MYO16: variants seen among roughly 807,000 people sequenced by gnomAD.
The protein encoded by MYO16 is myosin XVI, also known as unconventional myosin-XVI.
A neutral mutation model predicts 205.3 loss-of-function variants in MYO16; 94 were observed. The observed-to-expected ratio is 0.46, with a 90% confidence interval of 0.39 to 0.54. The LOEUF (loss-of-function observed/expected upper bound fraction) is 0.54, where lower values mean the gene tolerates loss of function less well. Among genes scored for constraint, MYO16 ranks in the 20% least tolerant of loss-of-function variants. The pLI is 0.00. For missense variants in MYO16, 2,315 were observed against 2,387.5 expected (o/e 0.97, Z 0.63); for synonymous variants, 988 against 954.0 (o/e 1.04, Z -0.66).
rs544847193 is a variant in MYO16, at chr13:109,029,010, C to T, written c.2796+9099C>T. 1.9e-4 allele frequency among the ~76,000 whole-genome samples: 29 copies of T among 151,474 alleles called. No homozygotes were observed. The South Asian group carries it at 4.2e-3, about 22-fold the overall frequency. ...AGATTTATGCTGTTATGCAGGTCCCCGAGTAGAGATCTTTGTCTCATTGAT... is the reference window on the plus strand; with the variant it reads ...AGATTTATGCTGTTATGCAGGTCCCTGAGTAGAGATCTTTGTCTCATTGAT... On this transcript the variant is annotated intron_variant, in intron 23 of 34. Transcript: ENST00000457511.
At chr13:108,735,822 A>C (rs1368611920) in intron 4 of MYO16, among the ~76,000 whole-genome samples, 1 of 151,608 alleles carries the variant, frequency 6.6e-6, no homozygotes, top group South Asian at 2.1e-4. Flanking sequence ...CTGACTTTTT[A>C]ATGATCACCA....
intron 27 of MYO16, among the ~76,000 whole-genome samples, chr13:109,098,111 A>G (rs1424503121): frequency 2.9e-5 from 1 of 35,006 alleles, no homozygotes; most frequent in African/African-American, 1.0e-4. Flanking sequence ...CAAATTCAGT[A>G]TTCAGTGGAA....
chr13:109,060,748 G>C (rs1887567207), intron 27 of MYO16, among the ~76,000 whole-genome samples: 1 of 152,094 alleles, frequency 6.6e-6, no homozygotes, highest in African/African-American at 2.4e-5. Flanking sequence ...AAGGCCCTAG[G>C]ATTTTTGGAA....
At chr13:108,886,318 T>A in intron 13 of MYO16, 1 of 439,646 alleles carries the variant, frequency 2.3e-6, no homozygotes, top group Non-Finnish European at 4.6e-6. Context: ...AGTTAATGAT[T>A]CCCTGTACCA....
At chr13:108,793,689 T>C (rs780209295) in intron 6 of MYO16, 49 bp downstream of exon 6, 1 of 1,541,916 alleles carries the variant, frequency 6.5e-7, no homozygotes. Flanking sequence ...AGAATTTAAG[T>C]TGATCTATAA....
chr13:109,052,397 T>G lies in MYO16; in HGVS notation c.2970T>G (p.His990Gln), dbSNP rs1385524699. The G allele has an allele frequency of 6.2e-7, 1 of 1,612,628 alleles. No homozygotes were observed. The change falls in exon 25 of 35, where the codon CAT (histidine) becomes CAG (glutamine). Residue 990 changes from histidine (H) to glutamine (Q), a missense_variant. Transcript: ENST00000457511. ...ATCCTTCCTTTAAATTCCGAGGACA[T>G]AAGTCTGCCCTGCTCAGTAAGAAAA... ...SAYPSFKFRG[H>Q]KSALLSKKMT...
chr13:108,696,838 A>G (rs1303478741), intron 2 of MYO16, among the ~76,000 whole-genome samples: 1 of 152,046 alleles, frequency 6.6e-6, no homozygotes, highest in Admixed American at 6.6e-5. Flanking sequence ...CTCATTCTGG[A>G]CCTTATTGTT....
chr13:108,848,804 G>T (rs147544462), intron 10 of MYO16, among the ~76,000 whole-genome samples: 1 of 152,122 alleles, frequency 6.6e-6, no homozygotes, highest in African/African-American at 2.4e-5. Context: ...TATAAAGTGC[G>T]AGCCTGTCTT....
intron 25 of MYO16, among the ~76,000 whole-genome samples, chr13:109,053,655 C>T (rs1887321972): frequency 6.6e-6 from 1 of 152,050 alleles, no homozygotes; most frequent in Admixed American, 6.6e-5. Context: ...CACAGTAGTT[C>T]CTCCACCCAG....
chr13:108,842,483 A>G (rs1033719937), intron 9 of MYO16, among the ~76,000 whole-genome samples: 49 of 152,300 alleles, frequency 3.2e-4, no homozygotes, highest in African/African-American at 1.1e-3. Context: ...AAGAAGATAT[A>G]CAATTTTGTC....
intron 4 of MYO16, among the ~76,000 whole-genome samples, chr13:108,762,541 A>C (rs1188840855): frequency 1.4e-4 from 21 of 152,064 alleles, no homozygotes; most frequent in Admixed American, 1.4e-3. Flanking sequence ...GAGTAAGATG[A>C]TATCTCTTTG....
At position 109,125,231 on chromosome 13, in the gene MYO16, G is replaced by A. The variant is rs367926937; in HGVS notation, c.3655G>A (p.Asp1219Asn). The change falls in exon 30 of 35, where the codon GAT (aspartate) becomes AAT (asparagine). Residue 1219 changes from aspartate (D) to asparagine (N), a missense_variant. This residue lies in a region of MYO16 where 1,097 missense variants were observed against 1,092.0 expected (regional missense o/e 1.00). Coordinates refer to ENST00000457511, the MANE Select transcript of MYO16 (RefSeq NM_001198950.3). The surrounding 1 kb of genome is among the most constrained non-coding windows in gnomAD (Gnocchi z 4.0). Reference sequence around the variant, plus strand: ...AGAGGACATGGGGCTGAAAACCTACGATGCCCTGGTCATTCAGAATGCTTC... The same window carrying A: ...AGAGGACATGGGGCTGAAAACCTACAATGCCCTGGTCATTCAGAATGCTTC... The part of the protein sequence containing the change: ...NTEDMGLKTY[D>N]ALVIQNASDI... The A allele has an allele frequency of 2.4e-5, 39 of 1,613,998 alleles. No homozygotes were observed. Among genetic ancestry groups the A allele is most frequent in the African/African-American group, 9.3e-5 (7 of 74,898 alleles).
intron 2 of MYO16, among the ~76,000 whole-genome samples, chr13:108,706,672 G>A (rs926183305): frequency 1.3e-5 from 2 of 152,146 alleles, no homozygotes; most frequent in Admixed American, 1.3e-4. Context: ...CATAAAGGAT[G>A]CTCACTAAAA....
At chr13:108,809,622 C>G (rs990723975) in intron 7 of MYO16, among the ~76,000 whole-genome samples, 4 of 152,166 alleles carry the variant, frequency 2.6e-5, no homozygotes, top group African/African-American at 7.2e-5. Flanking sequence ...AGAACTCACT[C>G]ATTATCGTGA....
chr13:109,078,536 T>C (rs1888187538), intron 27 of MYO16, among the ~76,000 whole-genome samples: 1 of 152,228 alleles, frequency 6.6e-6, no homozygotes, highest in African/African-American at 2.4e-5. Context: ...TCAGTGTTAA[T>C]TGATTAATTT....
At chr13:108,898,351 A>ACT (rs150046022) in intron 15 of MYO16, among the ~76,000 whole-genome samples, 3 of 144,992 alleles carry the variant, frequency 2.1e-5, no homozygotes, top group African/African-American at 7.7e-5. Flanking sequence ...AGGGTGTGTG[A>ACT]GTGTGTGTGT....
chr13:108,849,495 CA>C, intron 10 of MYO16, among the ~76,000 whole-genome samples: 1 of 151,488 alleles, frequency 6.6e-6, no homozygotes, highest in East Asian at 2.0e-4. Flanking sequence ...CCATCTAACA[CA>C]CAGTCTTTTT....
chr13:108,717,503 G>C (rs984657824), intron 3 of MYO16, among the ~76,000 whole-genome samples: 4 of 151,616 alleles, frequency 2.6e-5, no homozygotes, highest in Non-Finnish European at 4.4e-5. Context: ...GGTGGTGGGC[G>C]CCTGTAATCC....
At chr13:108,671,193 C>A (rs887437197) in intron 2 of MYO16, among the ~76,000 whole-genome samples, 2 of 152,160 alleles carry the variant, frequency 1.3e-5, no homozygotes, top group African/African-American at 2.4e-5. Flanking sequence ...AGAAAAGTCT[C>A]ACATTTTGCA....
Sources: allele counts gnomAD v4.1 joint callset (sites outside exome capture counted in the v4.1 genomes callset), GRCh38; gene constraint gnomAD v4.1.1; regional missense constraint gnomAD v4.1.1; non-coding constraint Gnocchi (gnomAD v3.1); transcripts MANE v1.5; gene names NCBI Gene and HGNC (gene_info 2026-07-23, HGNC 2026-07-21).